The following DCBLD2 variants were observed in gnomAD, a reference collection of about 807,000 sequenced individuals.
The protein encoded by DCBLD2 is discoidin, CUB and LCCL domain-containing protein 2.
In DCBLD2, 54 loss-of-function variants were observed where a neutral mutation model predicts 86.8. The observed-to-expected ratio is 0.62, with a 90% CI of 0.50 to 0.78. The LOEUF is 0.78. DCBLD2 is among the 30% of genes least tolerant of loss of function. The probability of loss-of-function intolerance (pLI) is 0.00; values close to 1 mark genes in which losing one functional copy is unlikely to be tolerated. For synonymous variants in DCBLD2, 354 were observed against 341.3 expected (o/e 1.04, Z -0.41); for missense variants, 908 against 954.2 (o/e 0.95, Z 0.64).
chr3:98,864,009 A>T (rs1943094410), intron 2 of DCBLD2, among the ~76,000 whole-genome samples: 1 of 152,236 alleles, frequency 6.6e-6, no homozygotes, highest in Non-Finnish European at 1.5e-5. Context: ...ACAAATTTAC[A>T]AGAAAAAAAC....
intron 14 of DCBLD2, 132 bp downstream of exon 14, chr3:98,801,468 G>T: frequency 1.7e-6 from 1 of 573,720 alleles, no homozygotes; most frequent in South Asian, 3.2e-5. Flanking sequence ...GAGAACTGAA[G>T]AGTAATGCCA....
At chr3:98,852,829 TG>T (rs1942864860) in intron 2 of DCBLD2, among the ~76,000 whole-genome samples, 1 of 152,058 alleles carries the variant, frequency 6.6e-6, no homozygotes, top group African/African-American at 2.4e-5. Flanking sequence ...ACCAAGAAAA[TG>T]GGGACCTCAG....
intron 1 of DCBLD2, among the ~76,000 whole-genome samples, chr3:98,891,463 T>C (rs578144428): frequency 1.3e-5 from 2 of 152,246 alleles, no homozygotes; most frequent in Admixed American, 1.3e-4. Flanking sequence ...CAAAGTTCTC[T>C]AATAGGTTTC....
chr3:98,879,038 G>A (rs1315820545), intron 2 of DCBLD2, among the ~76,000 whole-genome samples: 3 of 152,056 alleles, frequency 2.0e-5, no homozygotes, highest in African/African-American at 4.8e-5. Flanking sequence ...TCTTCCCCAC[G>A]CCACTCTTCC....
At chr3:98,862,651 G>T (rs1460353984) in intron 2 of DCBLD2, among the ~76,000 whole-genome samples, 1 of 151,944 alleles carries the variant, frequency 6.6e-6, no homozygotes, top group Non-Finnish European at 1.5e-5. Flanking sequence ...GCAGAAAAGG[G>T]GTTTGACAAA....
chr3:98,888,748 C>T (rs1448357727), intron 1 of DCBLD2, among the ~76,000 whole-genome samples: 1 of 151,950 alleles, frequency 6.6e-6, no homozygotes, highest in Non-Finnish European at 1.5e-5. Context: ...TTATAGCATG[C>T]TTTAAAGCTT....
chr3:98,858,298 C>A (rs547232649), intron 2 of DCBLD2, among the ~76,000 whole-genome samples: 1 of 152,244 alleles, frequency 6.6e-6, no homozygotes, highest in Non-Finnish European at 1.5e-5. Flanking sequence ...TTCCCGCCTG[C>A]GCCTCTCCCT....
At chr3:98,834,756 G>T (rs1261068831) in intron 3 of DCBLD2, among the ~76,000 whole-genome samples, 2 of 152,190 alleles carry the variant, frequency 1.3e-5, no homozygotes, top group African/African-American at 4.8e-5. Context: ...CTGCGATAAA[G>T]ATGGGAGTGC....
At chr3:98,860,211 A>G (rs1287958315) in intron 2 of DCBLD2, among the ~76,000 whole-genome samples, 3 of 152,236 alleles carry the variant, frequency 2.0e-5, no homozygotes, top group Non-Finnish European at 4.4e-5. Flanking sequence ...CCTCCAAGAA[A>G]TATGGGACTA....
At chr3:98,830,116 C>T (rs1942294315) in intron 3 of DCBLD2, among the ~76,000 whole-genome samples, 1 of 152,032 alleles carries the variant, frequency 6.6e-6, no homozygotes, top group Admixed American at 6.6e-5. Flanking sequence ...GTTTAAGTTC[C>T]TTATTGATGT....
At chr3:98,869,699 A>C (rs1414914883) in intron 2 of DCBLD2, among the ~76,000 whole-genome samples, 1 of 152,240 alleles carries the variant, frequency 6.6e-6, no homozygotes, top group Non-Finnish European at 1.5e-5. Flanking sequence ...AAATATAAAA[A>C]CTGTTCTTGG....
At chr3:98,866,673 G>A (rs1943152494) in intron 2 of DCBLD2, among the ~76,000 whole-genome samples, 1 of 152,122 alleles carries the variant, frequency 6.6e-6, no homozygotes, top group Non-Finnish European at 1.5e-5. Context: ...TCACTCTGAT[G>A]GTAGTTTCTT....
intron 3 of DCBLD2, among the ~76,000 whole-genome samples, chr3:98,831,119 T>C (rs1322280749): frequency 2.0e-5 from 3 of 150,864 alleles, no homozygotes; most frequent in Non-Finnish European, 4.4e-5. Context: ...CAGGCTGGAG[T>C]GCAGTGCAGT....
At position 98,901,443 on chromosome 3, in the gene DCBLD2, C is replaced by T; in HGVS notation, c.-117G>A. ...CGGCGGGAGAACAAGAGGCAGCCCT[C>T]GCCTCACCCCGCGCCGGGACCCTTC... On this transcript the variant is annotated 5_prime_UTR_variant, in exon 1 of 16. Coordinates refer to ENST00000326840, the MANE Select transcript of DCBLD2 (RefSeq NM_080927.4). 1 of 1,045,552 alleles carries T rather than the reference C, an allele frequency of 9.6e-7. No homozygotes were observed. The highest frequency in any genetic ancestry group is 1.2e-6 in the Non-Finnish European group (1 of 817,856). 64.8% of individuals were successfully genotyped at this position (1,045,552 alleles called of 1,614,324 possible).
At chr3:98,872,537 C>T (rs755529386) in intron 2 of DCBLD2, among the ~76,000 whole-genome samples, 15 of 152,008 alleles carry the variant, frequency 9.9e-5, no homozygotes, top group Admixed American at 7.9e-4. Flanking sequence ...GTTATTCTGT[C>T]GTAGCCACAC....
chr3:98,821,940 G>GGAGGCT (rs1942126579), intron 6 of DCBLD2, among the ~76,000 whole-genome samples: 1 of 152,130 alleles, frequency 6.6e-6, no homozygotes, highest in Non-Finnish European at 1.5e-5. Flanking sequence ...CAGCTACTTG[G>GGAGGCT]GAGGCTGAGA....
intron 1 of DCBLD2, chr3:98,900,765 C>G (rs914871539): frequency 3.2e-6 from 1 of 311,176 alleles, no homozygotes; most frequent in African/African-American, 2.2e-5. Context: ...TGCCTTCCTA[C>G]AGTGTCCATC....
chr3:98,831,633 A>G (rs1296065049), intron 3 of DCBLD2, among the ~76,000 whole-genome samples: 1 of 152,074 alleles, frequency 6.6e-6, no homozygotes, highest in Non-Finnish European at 1.5e-5. Flanking sequence ...TGCATCCCGG[A>G]GATTCTGGAA....
Position 98,823,330 on chromosome 3 carries a change from C to T in DCBLD2, c.624-589G>A, listed in dbSNP as rs138571278. Among the ~76,000 whole-genome samples, 864 of 152,224 alleles carry T rather than the reference C, an allele frequency of 5.7e-3. 6 individuals are homozygous for T. In the Middle Eastern group the frequency reaches 0.061, roughly 11 times the overall value. ...TGGTAGACATGTTTCTACTATAAAACCTACTCATCAAATTTAAGAGCTAAA... is the reference window on the plus strand; with the variant it reads ...TGGTAGACATGTTTCTACTATAAAATCTACTCATCAAATTTAAGAGCTAAA... On this transcript the variant is annotated intron_variant, in intron 4 of 15. Transcript: ENST00000326840.
Sources: gnomAD v4.1 joint callset for allele counts (sites outside exome capture counted in the v4.1 genomes callset) on GRCh38, gnomAD v4.1.1 for gene constraint, MANE v1.5 for transcripts, NCBI Gene and HGNC (gene_info 2026-07-23, HGNC 2026-07-21) for gene names.